Variants in ADGRF5 observed in about 807,000 individuals in gnomAD.
The protein encoded by ADGRF5 is adhesion G protein-coupled receptor F5.
Under a neutral mutation model 132.3 loss-of-function variants are expected in ADGRF5, and 75 were observed. That is an observed-to-expected ratio of 0.57 (90% confidence interval 0.47 to 0.69). ADGRF5 has a LOEUF of 0.69. ADGRF5 is among the 30% of genes least tolerant of loss of function. The pLI, the probability that ADGRF5 is intolerant of heterozygous loss-of-function variation, is 0.00. For synonymous variants in ADGRF5, 629 were observed against 597.6 expected, an observed-to-expected ratio of 1.05 and a Z score of -0.77; for missense variants, 1,516 against 1,630.6, an observed-to-expected ratio of 0.93 and a Z score of 1.21.
intron 15 of ADGRF5, among the ~76,000 whole-genome samples, 157 bp downstream of exon 15, chr6:46,862,731 C>CTTTTTTT (rs1769926537): frequency 5.1e-4 from 11 of 21,774 alleles, no homozygotes; most frequent in Admixed American, 1.8e-3. Context: ...TTTTTTTTTG[C>CTTTTTTT]ATTTCTAGGG....
Position 46,883,683 on chromosome 6 carries a change from G to A in ADGRF5, c.506-18C>T, listed in dbSNP as rs779016059. ...GGTAACATCTGTTGAAAAACACAGG[G>A]CAATATTTAAAAATATGTTAATGTC... On this transcript the variant is annotated intron_variant, in intron 5 of 20. Coordinates refer to ENST00000283296, the MANE Select transcript of ADGRF5 (RefSeq NM_001098518.2). 10 of 1,284,598 alleles carry A rather than the reference G, an allele frequency of 7.8e-6. No homozygotes were observed. Among genetic ancestry groups the A allele is most frequent in the East Asian group, 4.6e-5 (2 of 43,112 alleles). 79.6% of individuals were successfully genotyped at this position (1,284,598 alleles called of 1,614,324 possible).
In ADGRF5 at chr6:46,884,174, A is replaced by C; in HGVS notation, c.426T>G (p.Arg142=). The C allele has an allele frequency of 5.0e-6, 8 of 1,614,070 alleles. No individual in the cohort carries two copies. Among genetic ancestry groups the C allele is most frequent in the Non-Finnish European group, 6.8e-6 (8 of 1,179,902 alleles). Residue 142 remains arginine (R), a synonymous_variant, in exon 5 of 21, where the codon CGT becomes CGG. Coordinates refer to ENST00000283296, the MANE Select transcript of ADGRF5 (RefSeq NM_001098518.2). ...AATGGTGCCCTGGGAGGAAGACGTCACGCTCTTGACAAATGAGATTGTGAA... is the reference window on the plus strand; with the variant it reads ...AATGGTGCCCTGGGAGGAAGACGTCCCGCTCTTGACAAATGAGATTGTGAA... ...RCLHNLICQE[R]DVFLPGHHCS... is the part of the protein sequence containing the mutation.
intron 19 of ADGRF5, among the ~76,000 whole-genome samples, chr6:46,856,402 G>A (rs1365361413): frequency 2.0e-5 from 3 of 152,168 alleles, no homozygotes. Flanking sequence ...CCCCCCAGAA[G>A]ATTGCTTCTC....
chr6:46,937,730 G>C (rs886410020), intron 1 of ADGRF5, among the ~76,000 whole-genome samples: 3 of 152,058 alleles, frequency 2.0e-5, no homozygotes, highest in African/African-American at 7.2e-5. Flanking sequence ...GCTTTGGGGC[G>C]ATTATTAAGT....
intron 1 of ADGRF5, among the ~76,000 whole-genome samples, chr6:46,935,557 G>A (rs777266625): frequency 6.6e-6 from 1 of 152,130 alleles, no homozygotes; most frequent in Non-Finnish European, 1.5e-5. Flanking sequence ...GAGGGTAGAG[G>A]AAGAATTTGC....
chr6:46,937,569 A>G (rs1777895725), intron 1 of ADGRF5, among the ~76,000 whole-genome samples: 1 of 152,184 alleles, frequency 6.6e-6, no homozygotes, highest in African/African-American at 2.4e-5. Flanking sequence ...GAAATCATCA[A>G]TAGTACTAAA....
intron 3 of ADGRF5, among the ~76,000 whole-genome samples, 197 bp downstream of exon 3, chr6:46,899,832 C>T (rs936480693): frequency 1.3e-5 from 2 of 151,788 alleles, no homozygotes; most frequent in East Asian, 1.9e-4. Flanking sequence ...AGGGTTCTTA[C>T]GTGTTGTTAT....
intron 10 of ADGRF5, among the ~76,000 whole-genome samples, chr6:46,877,306 T>TCTCTCTCCTTCCTTCC (rs369575219): frequency 2.6e-5 from 2 of 77,200 alleles, no homozygotes; most frequent in Admixed American, 1.4e-4. Context: ...TCTCTCTCTC[T>TCTCTCTCCTTCCTTCC]TTCCTTCCTT....
chr6:46,907,396 G>A (rs916119355), intron 1 of ADGRF5, among the ~76,000 whole-genome samples: 5 of 151,022 alleles, frequency 3.3e-5, no homozygotes, highest in African/African-American at 7.3e-5. Context: ...TTTGAGACAG[G>A]GTTTCACTCT....
intron 13 of ADGRF5, among the ~76,000 whole-genome samples, chr6:46,865,529 A>G (rs1285438586): frequency 1.3e-5 from 2 of 152,228 alleles, no homozygotes; most frequent in Non-Finnish European, 2.9e-5. Context: ...ATATTGGTAT[A>G]TAGTCACCTA....
chr6:46,864,649 C>T (rs1402631826), intron 14 of ADGRF5, among the ~76,000 whole-genome samples: 2 of 152,136 alleles, frequency 1.3e-5, no homozygotes, highest in African/African-American at 2.4e-5. Context: ...CTCAGCCTCC[C>T]GAGCAGCTGG....
intron 10 of ADGRF5, among the ~76,000 whole-genome samples, chr6:46,873,633 T>C (rs1272184460): frequency 1.3e-5 from 2 of 152,156 alleles, no homozygotes; most frequent in African/African-American, 4.8e-5. Flanking sequence ...ATCTCATCTA[T>C]ACCTATGGCT....
chr6:46,871,840 T>C lies in ADGRF5; in HGVS notation c.1411+3A>G. 6.3e-7 allele frequency: 1 copy of C among 1,589,032 alleles called. No individual in the cohort carries two copies. Among genetic ancestry groups the C allele is most frequent in the East Asian group, 2.3e-5 (1 of 44,286 alleles). On this transcript the variant is annotated splice_donor_region_variant and intron_variant, in intron 11 of 20. Transcript: ENST00000283296. ...GGCTAAAAATGCTAGGGAGAGTCCTTACCCACAGAGATGAATGTCACTTTT... is the reference window on the plus strand; with the variant it reads ...GGCTAAAAATGCTAGGGAGAGTCCTCACCCACAGAGATGAATGTCACTTTT...
At chr6:46,894,857 G>T (rs991722131) in intron 3 of ADGRF5, among the ~76,000 whole-genome samples, 1 of 152,196 alleles carries the variant, frequency 6.6e-6, no homozygotes, top group Non-Finnish European at 1.5e-5. Context: ...TATATTTTAT[G>T]CAGATGTGTG....
chr6:46,880,981 C>T (rs1562182674), intron 8 of ADGRF5, among the ~76,000 whole-genome samples: 1 of 151,770 alleles, frequency 6.6e-6, no homozygotes, highest in Admixed American at 6.6e-5. Context: ...GCACCTGTGG[C>T]CCCAGCTACC....
At position 46,871,989 on chromosome 6, in the gene ADGRF5, G is replaced by C. The variant is rs1236797519; in HGVS notation, c.1265C>G (p.Ser422Cys). 6.2e-7 allele frequency: 1 copy of C among 1,609,880 alleles called. No homozygotes were observed. The highest frequency in any genetic ancestry group is 2.2e-5 in the East Asian group (1 of 44,850). ...CTTGAGGGTGTATCTGCTGCAGCTA[G>C]AATCTATGTCTGTCTCAGGGGTTCC... ...IPGTPETDIDSSCSRYTLKAD... is the reference protein window; with the variant it reads ...IPGTPETDIDCSCSRYTLKAD... Residue 422 changes from serine (S) to cysteine (C), a missense_variant, in exon 11 of 21, where the codon TCT (serine) becomes TGT (cysteine). Physicochemically the swap from Ser to Cys is moderately radical, Grantham distance 112. Around this residue, in one of 2 missense-constraint regions of ADGRF5, gnomAD observed 945 missense variants for 929.4 expected, o/e 1.02. Coordinates refer to ENST00000283296, the MANE Select transcript of ADGRF5 (RefSeq NM_001098518.2).
intron 3 of ADGRF5, among the ~76,000 whole-genome samples, chr6:46,898,300 G>GA: frequency 1.3e-5 from 2 of 152,302 alleles, no homozygotes; most frequent in Middle Eastern, 3.4e-3. Flanking sequence ...CCTGGAGCTG[G>GA]AACTCACTGG....
intron 8 of ADGRF5, among the ~76,000 whole-genome samples, chr6:46,880,272 C>T (rs1772304019): frequency 6.6e-6 from 1 of 152,014 alleles, no homozygotes; most frequent in African/African-American, 2.4e-5. Flanking sequence ...GGTGTTTGCC[C>T]TATGGCTCCT....
chr6:46,899,360 C>T (rs1025443649), intron 3 of ADGRF5, among the ~76,000 whole-genome samples: 6 of 152,014 alleles, frequency 3.9e-5, no homozygotes, highest in African/African-American at 1.2e-4. Flanking sequence ...TGACAGGATC[C>T]GATTTGTGCT....
Sources: gnomAD v4.1 joint callset for allele counts (sites outside exome capture counted in the v4.1 genomes callset) on GRCh38, gnomAD v4.1.1 for gene constraint, gnomAD v4.1.1 regional missense constraint, MANE v1.5 for transcripts, NCBI Gene and HGNC (gene_info 2026-07-23, HGNC 2026-07-21) for gene names.